ADAM22: variants seen among roughly 807,000 people sequenced by gnomAD.
ADAM22 encodes disintegrin and metalloproteinase domain-containing protein 22.
Under a neutral mutation model 144.6 loss-of-function variants are expected in ADAM22, and 65 were observed. The ratio of observed to expected loss-of-function variants is 0.45; its 90% CI spans 0.37 to 0.55. The LOEUF is 0.55. Ranked by LOEUF, ADAM22 falls within the 20% of genes least tolerant of loss-of-function variation. ADAM22 has a pLI of 0.00. For missense variants in ADAM22, 974 were observed against 1,184.9 expected, an observed-to-expected ratio of 0.82 and a Z score of 2.61; for synonymous variants, 391 against 412.6, an observed-to-expected ratio of 0.95 and a Z score of 0.63.
intron 3 of ADAM22, among the ~76,000 whole-genome samples, chr7:87,996,376 C>T (rs568157648): frequency 5.3e-5 from 8 of 152,322 alleles, no homozygotes; most frequent in Admixed American, 5.2e-4. Flanking sequence ...TGAGGGCCTT[C>T]TTCCTAGTTT....
chr7:88,126,700 A>G (rs548839301), intron 8 of ADAM22, among the ~76,000 whole-genome samples: 1 of 152,042 alleles, frequency 6.6e-6, no homozygotes, highest in Admixed American at 6.6e-5. Context: ...CATTATACTT[A>G]GTGTTTTAGC....
At chr7:88,013,139 C>T (rs188855324) in intron 3 of ADAM22, among the ~76,000 whole-genome samples, 12 of 152,308 alleles carry the variant, frequency 7.9e-5, no homozygotes, top group East Asian at 7.7e-4. Flanking sequence ...GCATCAAAGC[C>T]ATTACCCAAG....
intron 3 of ADAM22, among the ~76,000 whole-genome samples, chr7:88,046,059 T>G (rs1381027085): frequency 1.3e-5 from 2 of 152,180 alleles, no homozygotes. Context: ...CATACTGATT[T>G]CATTTTCTTT....
intron 1 of ADAM22, 137 bp from the exon 2 acceptor site, chr7:87,934,889 A>G (rs1306081352): frequency 8.2e-7 from 1 of 1,223,058 alleles, no homozygotes; most frequent in South Asian, 1.3e-5. Flanking sequence ...CGTCCTTCCC[A>G]GTTGGGTTCC....
In ADAM22 at chr7:88,151,250, G is replaced by A. The variant is rs41278764; in HGVS notation, c.1618-7G>A. 3.6e-3 allele frequency: 5,857 copies of A among 1,613,960 alleles called. 17 individuals are homozygous for A. Among genetic ancestry groups the A allele is most frequent in the Non-Finnish European group, 4.7e-3 (5,604 of 1,179,932 alleles). On this transcript the variant is annotated splice_polypyrimidine_tract_variant and splice_region_variant and intron_variant, in intron 19 of 31. Transcript: ENST00000413139. Reference sequence around the variant, plus strand: ...ATCGCTAATGGGTATTTGCTTTTCCGTTTTAGGGAATTTGCTTTGGAGGAA... The same window carrying A: ...ATCGCTAATGGGTATTTGCTTTTCCATTTTAGGGAATTTGCTTTGGAGGAA...
chr7:88,074,310 CCTTT>C (rs1266164224), intron 3 of ADAM22, among the ~76,000 whole-genome samples: 4 of 152,038 alleles, frequency 2.6e-5, no homozygotes, highest in Admixed American at 2.0e-4. Flanking sequence ...ATCTTGCAGC[CCTTT>C]CTGTCAGTGT....
Position 87,982,062 on chromosome 7 carries a change from T to TACAC in ADAM22, c.323+3651_323+3652insCACA, listed in dbSNP as rs1255207602. On this transcript the variant is annotated intron_variant, in intron 3 of 31. Coordinates refer to ENST00000413139, the MANE Select transcript of ADAM22 (RefSeq NM_001324418.2). ...TTTATTTCATATATATATATATATATATATATACACACACACACACACACA... is the reference window on the plus strand; with the variant it reads ...TTTATTTCATATATATATATATATATACACATATATACACACACACACACACACA... Among the ~76,000 whole-genome samples the TACAC allele has an allele frequency of 4.6e-3, 501 of 108,750 alleles. 5 individuals carry two copies. Among genetic ancestry groups the TACAC allele is most frequent in the Admixed American group, 0.031 (293 of 9,348 alleles). The allele number at this position is 108,750 out of a possible 152,430, so 71.3% of individuals were successfully genotyped here. A position where few individuals can be genotyped will look rare whatever the true frequency, so the allele number is the denominator to read the frequency against.
chr7:88,141,673 G>A (rs1216068183), intron 14 of ADAM22, among the ~76,000 whole-genome samples: 1 of 151,850 alleles, frequency 6.6e-6, no homozygotes, highest in African/African-American at 2.4e-5. Flanking sequence ...ATTTAACACT[G>A]TATAGTCAGC....
intron 3 of ADAM22, among the ~76,000 whole-genome samples, chr7:88,060,169 G>T (rs745803668): frequency 7.9e-5 from 12 of 152,162 alleles, no homozygotes; most frequent in Non-Finnish European, 1.5e-4. Context: ...CCACTCGGGG[G>T]TCTTGCCTCA....
rs188202426 is a variant in ADAM22 at position 88,152,366 on chromosome 7, A to T, written c.1682-855A>T. Among the ~76,000 whole-genome samples, 22 of 152,300 alleles carry T rather than the reference A, an allele frequency of 1.4e-4. No individual in the cohort carries two copies. The East Asian group carries it at 4.3e-3, about 29-fold the overall frequency. On this transcript the variant is annotated intron_variant, in intron 20 of 31. Transcript: ENST00000413139. ...TGGTTTTAGAAAAGATAAAAGCCTGAAAAAGATACTGATATACCTTAAAAT... is the reference window on the plus strand; with the variant it reads ...TGGTTTTAGAAAAGATAAAAGCCTGTAAAAGATACTGATATACCTTAAAAT...
At chr7:87,943,571 A>T (rs551460149) in intron 2 of ADAM22, among the ~76,000 whole-genome samples, 107 of 152,206 alleles carry the variant, frequency 7.0e-4, no homozygotes, top group African/African-American at 2.5e-3. Flanking sequence ...ATGATTTTTG[A>T]CTTCTGGCTA....
chr7:88,145,327 G>A (rs1429539307), intron 16 of ADAM22, 88 bp from the exon 17 acceptor site: 5 of 1,487,212 alleles, frequency 3.4e-6, no homozygotes, highest in Non-Finnish European at 4.6e-6. Flanking sequence ...ATTATTGTGA[G>A]TTTGTACATT....
At chr7:87,964,365 A>G (rs1848604552) in intron 2 of ADAM22, among the ~76,000 whole-genome samples, 1 of 152,182 alleles carries the variant, frequency 6.6e-6, no homozygotes, top group Non-Finnish European at 1.5e-5. Context: ...CCTGCTTTCA[A>G]AGATGATTTG....
chr7:88,018,101 T>A (rs1384421852), intron 3 of ADAM22, among the ~76,000 whole-genome samples: 2 of 152,154 alleles, frequency 1.3e-5, no homozygotes, highest in Non-Finnish European at 2.9e-5. Context: ...GTATTAATTA[T>A]CCCATGTTAA....
At chr7:88,093,202 A>C (rs1456746813) in intron 4 of ADAM22, among the ~76,000 whole-genome samples, 1 of 152,110 alleles carries the variant, frequency 6.6e-6, no homozygotes, top group Non-Finnish European at 1.5e-5. Flanking sequence ...AATTTTTTTG[A>C]AACTAGAGTG....
intron 23 of ADAM22, among the ~76,000 whole-genome samples, chr7:88,165,015 G>A (rs1352567610): frequency 2.0e-5 from 3 of 152,196 alleles, no homozygotes; most frequent in South Asian, 4.1e-4. Flanking sequence ...ACATTTAGAT[G>A]TGGATGTATG....
At chr7:88,067,242 CT>C (rs75519498) in intron 3 of ADAM22, among the ~76,000 whole-genome samples, 510 of 137,736 alleles carry the variant, frequency 3.7e-3, no homozygotes, top group South Asian at 0.013. Context: ...GGTACCTTGG[CT>C]TTTTTTTTTT....
At chr7:87,983,803 A>G (rs1445080936) in intron 3 of ADAM22, among the ~76,000 whole-genome samples, 1 of 152,070 alleles carries the variant, frequency 6.6e-6, no homozygotes, top group African/African-American at 2.4e-5. Flanking sequence ...GTGTTAAAGC[A>G]ATATCTTTTG....
At chr7:87,972,933 A>C (rs977424357) in intron 2 of ADAM22, among the ~76,000 whole-genome samples, 15 of 152,220 alleles carry the variant, frequency 9.9e-5, no homozygotes, top group African/African-American at 3.1e-4. Context: ...ACCTTATACA[A>C]AAATTAATTC....
Sources: gnomAD v4.1 joint callset for allele counts (sites outside exome capture counted in the v4.1 genomes callset) on GRCh38, gnomAD v4.1.1 for gene constraint, MANE v1.5 for transcripts, NCBI Gene and HGNC (gene_info 2026-07-23, HGNC 2026-07-21) for gene names.